PPP1R16B: variants seen among roughly 807,000 people sequenced by gnomAD.
The protein encoded by PPP1R16B is protein phosphatase 1 regulatory subunit 16B.
In PPP1R16B, 14 loss-of-function variants were observed where a neutral mutation model predicts 61.7. The observed-to-expected ratio is 0.23, with a 90% CI of 0.15 to 0.35. The LOEUF (loss-of-function observed/expected upper bound fraction) is 0.35, where lower values mean the gene tolerates loss of function less well. Among genes scored for constraint, PPP1R16B ranks in the 10% least tolerant of loss-of-function variants. The pLI is 1.00. For synonymous variants in PPP1R16B, 266 were observed against 305.3 expected, an observed-to-expected ratio of 0.87 and a Z score of 1.34; for missense variants, 547 against 752.5, an observed-to-expected ratio of 0.73 and a Z score of 3.19.
rs1171305688 is a variant in PPP1R16B at position 38,921,973 on chromosome 20, G to T, written c.*3307G>T. On this transcript the variant is annotated 3_prime_UTR_variant, in exon 11 of 11. Transcript: ENST00000299824. Reference sequence around the variant, plus strand: ...CTCCTGCTGAGACCCAGGTCCTATGGCAGCTCCTCATTAGATTAAAGGAGA... The same window carrying T: ...CTCCTGCTGAGACCCAGGTCCTATGTCAGCTCCTCATTAGATTAAAGGAGA... 1 of 152,146 alleles carries T rather than the reference G, an allele frequency of 6.6e-6. No homozygotes were observed. Among genetic ancestry groups the T allele is most frequent in the East Asian group, 1.9e-4 (1 of 5,190 alleles). The allele number at this position is 152,146 out of a possible 1,614,324, so 9.4% of individuals were successfully genotyped here.
At chr20:38,845,929 C>CGT (rs925741669) in intron 2 of PPP1R16B, among the ~76,000 whole-genome samples, 3 of 152,122 alleles carry the variant, frequency 2.0e-5, no homozygotes, top group Non-Finnish European at 4.4e-5. Flanking sequence ...CTCACAGTAG[C>CGT]GTAGGTGAGA....
chr20:38,881,486 G>T (rs1348600646), intron 2 of PPP1R16B, among the ~76,000 whole-genome samples: 2 of 152,188 alleles, frequency 1.3e-5, no homozygotes, highest in Admixed American at 1.3e-4. Context: ...TGCGGACTGG[G>T]CTGTTCATGC....
chr20:38,918,367 TG>T lies in PPP1R16B; in HGVS notation c.1407del (p.Trp469Ter). The T allele has an allele frequency of 6.2e-7, 1 of 1,614,104 alleles. No individual in the cohort carries two copies. The highest frequency in any genetic ancestry group is 8.5e-7 in the Non-Finnish European group (1 of 1,180,028). On this transcript the variant is annotated frameshift_variant, in exon 11 of 11. Coordinates refer to ENST00000299824, the MANE Select transcript of PPP1R16B (RefSeq NM_015568.4). LOFTEE classifies it high-confidence loss of function. This position sits in a 1 kb window ranked among gnomAD's most constrained non-coding sequence, Gnocchi z 5.3. ...NPGVADATPP[W>X]SSYKEQSPQT... ...TGGCGTGGCCGACGCCACCCCGCCC[TG>T]GAGCAGCTACAAGGAACAGAGCCCT...
intron 2 of PPP1R16B, among the ~76,000 whole-genome samples, chr20:38,861,673 C>CTT (rs869187206): frequency 0.02 from 2,548 of 125,526 alleles, 118 homozygotes; most frequent in African/African-American, 0.072. Flanking sequence ...TGCAGTTCTT[C>CTT]TTTTTTTTTT....
chr20:38,819,939 C>T (rs925736686), intron 1 of PPP1R16B, among the ~76,000 whole-genome samples: 6 of 152,096 alleles, frequency 3.9e-5, no homozygotes, highest in Admixed American at 2.0e-4. Flanking sequence ...CCTCTCCAAC[C>T]CCGTATGTCC....
chr20:38,915,250 T>C (rs989906008), intron 10 of PPP1R16B, among the ~76,000 whole-genome samples: 13 of 152,204 alleles, frequency 8.5e-5, no homozygotes, highest in Non-Finnish European at 1.8e-4. Context: ...TCCGTCATGA[T>C]AGTGTCACAC....
At chr20:38,893,194 C>G (rs2085304400) in intron 3 of PPP1R16B, among the ~76,000 whole-genome samples, 1 of 152,198 alleles carries the variant, frequency 6.6e-6, no homozygotes, top group South Asian at 2.1e-4. Context: ...CCTCAGAAAG[C>G]ATTAGACATT....
At chr20:38,915,687 A>G (rs1396733197) in intron 10 of PPP1R16B, among the ~76,000 whole-genome samples, 2 of 152,050 alleles carry the variant, frequency 1.3e-5, no homozygotes, top group Non-Finnish European at 2.9e-5. Flanking sequence ...ACAAGGTTTC[A>G]CCATGTTGGC....
intron 2 of PPP1R16B, among the ~76,000 whole-genome samples, chr20:38,877,234 C>T (rs2085173771): frequency 6.6e-6 from 1 of 152,130 alleles, no homozygotes; most frequent in South Asian, 2.1e-4. Context: ...AAATCTTTGT[C>T]TGCCCTCTGA....
intron 1 of PPP1R16B, among the ~76,000 whole-genome samples, chr20:38,817,696 A>G (rs1300100322): frequency 6.6e-6 from 1 of 152,232 alleles, no homozygotes; most frequent in Non-Finnish European, 1.5e-5. Flanking sequence ...CTACCTCTCA[A>G]AGAACAAGAG....
At chr20:38,854,926 T>C (rs1410470018) in intron 2 of PPP1R16B, among the ~76,000 whole-genome samples, 1 of 152,222 alleles carries the variant, frequency 6.6e-6, no homozygotes, top group Non-Finnish European at 1.5e-5. Flanking sequence ...GTTTACTCAA[T>C]GGCGGCCTTC....
chr20:38,858,722 G>T (rs2085026160), intron 2 of PPP1R16B, among the ~76,000 whole-genome samples: 1 of 152,200 alleles, frequency 6.6e-6, no homozygotes, highest in Non-Finnish European at 1.5e-5. Context: ...GAGGTGCCCA[G>T]GAACTTGAAG....
chr20:38,879,473 T>C (rs2085190554), intron 2 of PPP1R16B, among the ~76,000 whole-genome samples: 1 of 152,230 alleles, frequency 6.6e-6, no homozygotes, highest in Non-Finnish European at 1.5e-5. Flanking sequence ...AGAAAGACTA[T>C]ACATATTGAA....
chr20:38,816,395 T>C (rs1248830625), intron 1 of PPP1R16B, among the ~76,000 whole-genome samples: 1 of 152,216 alleles, frequency 6.6e-6, no homozygotes, highest in African/African-American at 2.4e-5. Context: ...ATAGGCTGTT[T>C]ACCACAGGGA....
intron 10 of PPP1R16B, among the ~76,000 whole-genome samples, chr20:38,908,805 C>A (rs1316540334): frequency 2.0e-5 from 3 of 152,102 alleles, no homozygotes; most frequent in Admixed American, 6.6e-5. Context: ...GTTCTGAAGG[C>A]CAGAAGTCTA....
chr20:38,822,445 T>G (rs753690121), intron 1 of PPP1R16B, among the ~76,000 whole-genome samples: 2 of 151,882 alleles, frequency 1.3e-5, no homozygotes, highest in African/African-American at 2.4e-5. Flanking sequence ...TTCCTTCAGG[T>G]GTTGCCTCCT....
chr20:38,842,238 G>A (rs1023758380), intron 2 of PPP1R16B, among the ~76,000 whole-genome samples: 1 of 152,196 alleles, frequency 6.6e-6, no homozygotes, highest in African/African-American at 2.4e-5. Flanking sequence ...AGAACCCTCA[G>A]TTGCTGTACT....
At chr20:38,872,340 TG>T (rs1465528937) in intron 2 of PPP1R16B, among the ~76,000 whole-genome samples, 2 of 152,220 alleles carry the variant, frequency 1.3e-5, no homozygotes, top group Non-Finnish European at 1.5e-5. Flanking sequence ...GGCGTCTGTC[TG>T]GTTCACTGCT....
At chr20:38,910,259 G>A (rs2085477673) in intron 10 of PPP1R16B, among the ~76,000 whole-genome samples, 1 of 152,172 alleles carries the variant, frequency 6.6e-6, no homozygotes, top group South Asian at 2.1e-4. Context: ...GGGCTTACAG[G>A]TGTGAGCCAC....
Sources: gnomAD v4.1 joint callset for allele counts (sites outside exome capture counted in the v4.1 genomes callset) on GRCh38, gnomAD v4.1.1 for gene constraint, Gnocchi (gnomAD v3.1) non-coding constraint, MANE v1.5 for transcripts, NCBI Gene and HGNC (gene_info 2026-07-23, HGNC 2026-07-21) for gene names.